The following OR5AN1 variants were observed in gnomAD, a reference collection of about 807,000 sequenced individuals.
The protein encoded by OR5AN1 is olfactory receptor 5AN1.
For missense variants in OR5AN1, 476 were observed against 368.9 expected (o/e 1.29, Z -2.38); for synonymous variants, 167 against 131.8 (o/e 1.27, Z -1.83).
rs1199428053 is a variant in OR5AN1, at chr11:59,368,732, A to G, written c.*3338A>G. On this transcript the variant is annotated 3_prime_UTR_variant, in exon 2 of 2. Coordinates refer to ENST00000641998, the MANE Select transcript of OR5AN1 (RefSeq NM_001004729.2). ...ACCCTTAGCCACAACCATTACGAAG[A>G]TCTCTTCCACTGCTGTCTCTAAGCT... 6.6e-6 allele frequency: 1 copy of G among 152,236 alleles called. No individual in the cohort carries two copies. Among genetic ancestry groups the G allele is most frequent in the Non-Finnish European group, 1.5e-5 (1 of 68,100 alleles). The allele number at this position is 152,236 out of a possible 1,614,324, so 9.4% of individuals were successfully genotyped here. A position where few individuals can be genotyped will look rare whatever the true frequency, so the allele number is the denominator to read the frequency against.
In OR5AN1 at chr11:59,364,877, C is replaced by A. The variant is rs765921810; in HGVS notation, c.419C>A (p.Thr140Asn). The A allele has an allele frequency of 6.2e-7, 1 of 1,614,002 alleles. No individual in the cohort carries two copies. Among genetic ancestry groups the A allele is most frequent in the Non-Finnish European group, 8.5e-7 (1 of 1,179,922 alleles). ...PLLYSSIMSP[T>N]LCVWMVLGAY... is the part of the protein sequence containing the mutation. ...CTCTATTCATCCATCATGTCACCCA[C>A]CCTCTGTGTTTGGATGGTACTGGGA... Residue 140 changes from threonine (T) to asparagine (N), a missense_variant, in exon 2 of 2, where the codon ACC becomes AAC. Thr to Asn is a moderately conservative substitution (Grantham distance 65). Transcript: ENST00000641998.
At position 59,362,206 on chromosome 11, in the gene OR5AN1, CTT is replaced by C. The variant is rs572120196; in HGVS notation, c.-13-2239_-13-2238del. ...TAATAATTATATTGTCTTTTTCTGT[CTT>C]ATCACTATTTTCCCCCATTCATCAA... On this transcript the variant is annotated intron_variant, in intron 1 of 1. Coordinates refer to ENST00000641998, the MANE Select transcript of OR5AN1 (RefSeq NM_001004729.2). Among the ~76,000 whole-genome samples, 644 of 152,134 alleles carry C rather than the reference CTT, an allele frequency of 4.2e-3. 2 individuals are homozygous for C. Among genetic ancestry groups the C allele is most frequent in the Non-Finnish European group, 6.9e-3 (466 of 67,986 alleles).
Position 59,365,402 on chromosome 11 carries a change from G to C in OR5AN1, c.*8G>C, listed in dbSNP as rs759936814. The C allele has an allele frequency of 1.9e-6, 3 of 1,539,260 alleles. No individual in the cohort carries two copies. Among genetic ancestry groups the C allele is most frequent in the Middle Eastern group, 1.7e-4 (1 of 5,810 alleles). ...AAGAGAAAGTGCTGCTGAGTTTACA[G>C]ATTCTGAGATTTCTGCCAGATATGG... On this transcript the variant is annotated 3_prime_UTR_variant, in exon 2 of 2. Transcript: ENST00000641998.
rs1857594307 is a variant in OR5AN1 at position 59,371,543 on chromosome 11, CATT to C, written c.*6152_*6154del. The C allele has an allele frequency of 6.6e-6, 1 of 152,074 alleles. No individual in the cohort carries two copies. The highest frequency in any genetic ancestry group is 2.4e-5 in the African/African-American group (1 of 41,386). The allele number at this position is 152,074 out of a possible 1,614,324, so 9.4% of individuals were successfully genotyped here. ...CCAGGACTCCTCCCTATGCCAGAGA[CATT>C]ATAATAACAGAGAAAACAACAACAA... On this transcript the variant is annotated 3_prime_UTR_variant, in exon 2 of 2. Coordinates refer to ENST00000641998, the MANE Select transcript of OR5AN1 (RefSeq NM_001004729.2).
intron 1 of OR5AN1, among the ~76,000 whole-genome samples, chr11:59,363,054 G>A (rs1330509909): frequency 6.6e-6 from 1 of 152,140 alleles, no homozygotes; most frequent in Non-Finnish European, 1.5e-5. Flanking sequence ...CTGTCTATAG[G>A]GCTGATGTTG....
intron 1 of OR5AN1, among the ~76,000 whole-genome samples, chr11:59,363,020 C>A (rs1857481446): frequency 6.6e-6 from 1 of 152,206 alleles, no homozygotes; most frequent in South Asian, 2.1e-4. Flanking sequence ...CAATCTACAC[C>A]TGCCTGGAGG....
rs1033065525 is a variant in OR5AN1 at position 59,366,244 on chromosome 11, C to T, written c.*850C>T. The T allele has an allele frequency of 3.9e-5, 6 of 152,116 alleles. No individual in the cohort carries two copies. The highest frequency in any genetic ancestry group is 1.4e-4 in the African/African-American group (6 of 41,412). The allele number at this position is 152,116 out of a possible 1,614,324, so 9.4% of individuals were successfully genotyped here. Reference sequence around the variant, plus strand: ...GTGGGACTCAAACTTTCTTTTTCTCCCCCATTAAATTTAGAAAATTTACTC... The same window carrying T: ...GTGGGACTCAAACTTTCTTTTTCTCTCCCATTAAATTTAGAAAATTTACTC... On this transcript the variant is annotated 3_prime_UTR_variant, in exon 2 of 2. Coordinates refer to ENST00000641998, the MANE Select transcript of OR5AN1 (RefSeq NM_001004729.2).
At chr11:59,360,183 C>T (rs1222416998) in intron 1 of OR5AN1, 1 of 152,126 alleles carries the variant, frequency 6.6e-6, no homozygotes, top group Non-Finnish European at 1.5e-5. Context: ...ACATAGAGTA[C>T]ATTTAATTAT....
rs1857567009 is a variant in OR5AN1 at position 59,369,303 on chromosome 11, A to G, written c.*3909A>G. On this transcript the variant is annotated 3_prime_UTR_variant, in exon 2 of 2. Transcript: ENST00000641998. ...GAATGACAGAAATAGAATTCAGAAT[A>G]TGGATAGAAAAAAAAAGATCATGGA... is the stretch of plus-strand genomic sequence containing the variant. 1 of 152,166 alleles carries G rather than the reference A, an allele frequency of 6.6e-6. No individual in the cohort carries two copies. Among genetic ancestry groups the G allele is most frequent in the African/African-American group, 2.4e-5 (1 of 41,454 alleles). 9.4% of individuals were successfully genotyped at this position (152,166 alleles called of 1,614,324 possible). A position where few individuals can be genotyped will look rare whatever the true frequency, so the allele number is the denominator to read the frequency against.
intron 1 of OR5AN1, among the ~76,000 whole-genome samples, chr11:59,361,753 C>G (rs1156404217): frequency 6.6e-6 from 1 of 152,212 alleles, no homozygotes; most frequent in Admixed American, 6.5e-5. Flanking sequence ...TACTCTCTCA[C>G]ATTCTATCTC....
chr11:59,361,719 C>A (rs1256518153), intron 1 of OR5AN1, among the ~76,000 whole-genome samples: 1 of 152,146 alleles, frequency 6.6e-6, no homozygotes, highest in Non-Finnish European at 1.5e-5. Flanking sequence ...ATCGCACAGC[C>A]TGCAAGTAAG....
chr11:59,359,674 C>G (rs1857442738), intron 1 of OR5AN1: 1 of 152,200 alleles, frequency 6.6e-6, no homozygotes, highest in Non-Finnish European at 1.5e-5. Flanking sequence ...GTTAGAACTT[C>G]TGAAATACTT....
chr11:59,369,365 T>A lies in OR5AN1; in HGVS notation c.*3971T>A, dbSNP rs928150788. On this transcript the variant is annotated 3_prime_UTR_variant, in exon 2 of 2. Coordinates refer to ENST00000641998, the MANE Select transcript of OR5AN1 (RefSeq NM_001004729.2). Reference sequence around the variant, plus strand: ...ATGGCAAAATCCAATCCAAGAAAAATAAGAATCACAATAAAGTGACACAGA... The same window carrying A: ...ATGGCAAAATCCAATCCAAGAAAAAAAAGAATCACAATAAAGTGACACAGA... 3 of 150,870 alleles carry A rather than the reference T, an allele frequency of 2.0e-5. No individual in the cohort carries two copies. The highest frequency in any genetic ancestry group is 3.2e-3 in the Middle Eastern group (1 of 310). The allele number at this position is 150,870 out of a possible 1,614,324, so 9.3% of individuals were successfully genotyped here. A position where few individuals can be genotyped will look rare whatever the true frequency, so the allele number is the denominator to read the frequency against.
At chr11:59,361,005 G>T (rs12418613) in intron 1 of OR5AN1, among the ~76,000 whole-genome samples, 27,972 of 152,144 alleles carry the variant, frequency 0.18, 3,234 homozygotes, top group Non-Finnish European at 0.27. Context: ...TTATAGGTGT[G>T]CTCTGTATAG....
rs7107294 is a variant in OR5AN1, at chr11:59,370,261, G to A, written c.*4867G>A. The A allele has an allele frequency of 0.93, 141,993 of 152,240 alleles. 66,810 individuals are homozygous for A. The highest frequency in any genetic ancestry group is 1 in the Non-Finnish European group (67,936 of 68,040). The allele number at this position is 152,240 out of a possible 1,614,324, so 9.4% of individuals were successfully genotyped here. On this transcript the variant is annotated 3_prime_UTR_variant, in exon 2 of 2. Transcript: ENST00000641998. ...GACAGAATCAAATGCACACATATCA[G>A]TATTAACCTTGAATGTAAATGGGCT...
chr11:59,365,321 C>A lies in OR5AN1; in HGVS notation c.863C>A (p.Pro288His). ...ACTGTGGTCATTCCCATGTTAAATC[C>A]CTTGATTTACAGTTTGAGGAACAAA... Reference protein sequence around the residue: ...FYTVVIPMLNPLIYSLRNKEI... With the variant: ...FYTVVIPMLNHLIYSLRNKEI... Residue 288 changes from proline (P) to histidine (H), a missense_variant, in exon 2 of 2, where the codon CCC becomes CAC. Pro to His is a moderately conservative substitution (Grantham distance 77). Coordinates refer to ENST00000641998, the MANE Select transcript of OR5AN1 (RefSeq NM_001004729.2). The A allele has an allele frequency of 1.9e-6, 3 of 1,612,242 alleles. No homozygotes were observed. Among genetic ancestry groups the A allele is most frequent in the African/African-American group, 2.7e-5 (2 of 74,950 alleles).
chr11:59,364,900 G>GC lies in OR5AN1; in HGVS notation c.442_443insC (p.Gly148AlafsTer26). 6.2e-7 allele frequency: 1 copy of GC among 1,614,018 alleles called. No individual in the cohort carries two copies. Among genetic ancestry groups the GC allele is most frequent in the African/African-American group, 1.3e-5 (1 of 74,996 alleles). On this transcript the variant is annotated frameshift_variant, in exon 2 of 2. Transcript: ENST00000641998. LOFTEE classifies it low-confidence loss of function (END_TRUNC). ...CACCCTCTGTGTTTGGATGGTACTGGGAGCCTACATGACTGGCCTCACTGC... is the reference window on the plus strand; with the variant it reads ...CACCCTCTGTGTTTGGATGGTACTGGCGAGCCTACATGACTGGCCTCACTGC...
Position 59,358,991 on chromosome 11 carries a change from T to G in OR5AN1, c.-295T>G, listed in dbSNP as rs1333893494. ...CTGAAAAATTCCATTGGAAAAGAAATAAGCAATTTCAACCTTTGGCAAGAA... is the reference window on the plus strand; with the variant it reads ...CTGAAAAATTCCATTGGAAAAGAAAGAAGCAATTTCAACCTTTGGCAAGAA... On this transcript the variant is annotated 5_prime_UTR_variant, in exon 1 of 2. Coordinates refer to ENST00000641998, the MANE Select transcript of OR5AN1 (RefSeq NM_001004729.2). The G allele has an allele frequency of 6.6e-6, 1 of 152,092 alleles. No individual in the cohort carries two copies. The highest frequency in any genetic ancestry group is 1.5e-5 in the Non-Finnish European group (1 of 68,020). The allele number at this position is 152,092 out of a possible 1,614,324, so 9.4% of individuals were successfully genotyped here. A position where few individuals can be genotyped will look rare whatever the true frequency, so the allele number is the denominator to read the frequency against.
chr11:59,367,024 A>T lies in OR5AN1; in HGVS notation c.*1630A>T, dbSNP rs1857542344. ...AAGGTACATATGAATAAAATAAAGC[A>T]ATATTTATGAGATGTAGCCAAAGCT... On this transcript the variant is annotated 3_prime_UTR_variant, in exon 2 of 2. Transcript: ENST00000641998. 1 of 152,266 alleles carries T rather than the reference A, an allele frequency of 6.6e-6. No individual in the cohort carries two copies. Among genetic ancestry groups the T allele is most frequent in the African/African-American group, 2.4e-5 (1 of 41,474 alleles). The allele number at this position is 152,266 out of a possible 1,614,324, so 9.4% of individuals were successfully genotyped here. A position where few individuals can be genotyped will look rare whatever the true frequency, so the allele number is the denominator to read the frequency against.
Sources: allele counts gnomAD v4.1 joint callset (sites outside exome capture counted in the v4.1 genomes callset), GRCh38; gene constraint gnomAD v4.1.1; transcripts MANE v1.5; gene names NCBI Gene and HGNC (gene_info 2026-07-23, HGNC 2026-07-21).